DUSP18: variants seen among roughly 807,000 people sequenced by gnomAD.
DUSP18 encodes dual specificity phosphatase 18, also known as dual specificity protein phosphatase 18.
Under a neutral mutation model 6.3 loss-of-function variants are expected in DUSP18, and 4 were observed. The ratio of observed to expected loss-of-function variants is 0.63; its 90% confidence interval spans 0.31 to 1.45. DUSP18 has a LOEUF of 1.45. Among genes scored for constraint, DUSP18 ranks in the 40% most tolerant of loss-of-function variants. DUSP18 has a pLI of 0.07. For synonymous variants in DUSP18, 96 were observed against 95.1 expected, an observed-to-expected ratio of 1.01 and a Z score of -0.05; for missense variants, 235 against 247.7, an observed-to-expected ratio of 0.95 and a Z score of 0.34.
chr22:30,666,441 T>TTCAA (rs1443763522), intron 1 of DUSP18, among the ~76,000 whole-genome samples: 33 of 151,744 alleles, frequency 2.2e-4, no homozygotes, highest in Non-Finnish European at 4.0e-4. Context: ...ACCAACATGG[T>TTCAA]GAAACCCCCG....
At chr22:30,664,163 T>G in intron 1 of DUSP18, 83 bp from the exon 2 acceptor site, 2 of 656,836 alleles carry the variant, frequency 3.0e-6, no homozygotes, top group Non-Finnish European at 5.3e-6. Context: ...ATGGATAGGC[T>G]TATAGCATTC....
chr22:30,663,999 G>A lies in DUSP18; in HGVS notation c.5C>T (p.Thr2Ile). The A allele has an allele frequency of 6.2e-7, 1 of 1,612,034 alleles. No individual in the cohort carries two copies. Among genetic ancestry groups the A allele is most frequent in the Non-Finnish European group, 8.5e-7 (1 of 1,178,338 alleles). Residue 2 changes from threonine (T) to isoleucine (I), a missense_variant, in exon 2 of 2, where the codon ACA becomes ATA. Coordinates refer to ENST00000334679, the MANE Select transcript of DUSP18 (RefSeq NM_152511.5). ...AACTGGGAAGGCACACGAGGGTGCTGTCATCAAGGCGGTGGGTCAGTGGTC... is the reference window on the plus strand; with the variant it reads ...AACTGGGAAGGCACACGAGGGTGCTATCATCAAGGCGGTGGGTCAGTGGTC... Reference protein sequence around the residue: MTAPSCAFPVQF... With the variant: MIAPSCAFPVQF...
chr22:30,652,547 T>C (rs2078973), intron 2 of DUSP18, among the ~76,000 whole-genome samples: 77,519 of 152,154 alleles, frequency 0.51, 20,189 homozygotes, highest in East Asian at 0.8. Flanking sequence ...CAGGAATGAA[T>C]AAAGACAACT....
At chr22:30,660,280 A>G (rs926975978), downstream of DUSP18, among the ~76,000 whole-genome samples, 127 of 151,234 alleles carry the variant, frequency 8.4e-4, 1 homozygote, top group African/African-American at 3.0e-3. Flanking sequence ...AAACTAATAC[A>G]TTATCCAAAA....
downstream of DUSP18, among the ~76,000 whole-genome samples, chr22:30,657,296 C>T (rs902619009): frequency 1.9e-5 from 1 of 53,956 alleles, no homozygotes; most frequent in Non-Finnish European, 8.0e-5. Flanking sequence ...CACACACACA[C>T]ACACACACAC....
chr22:30,655,867 C>A (rs2088329467), intron 2 of DUSP18, among the ~76,000 whole-genome samples: 1 of 152,116 alleles, frequency 6.6e-6, no homozygotes, highest in Admixed American at 6.5e-5. Flanking sequence ...TCTTAACATT[C>A]CTCCCAAGCT....
intron 2 of DUSP18, among the ~76,000 whole-genome samples, chr22:30,653,542 T>C (rs1219873395): frequency 6.6e-6 from 1 of 151,992 alleles, no homozygotes; most frequent in Non-Finnish European, 1.5e-5. Flanking sequence ...CGGCTAATTT[T>C]TTTGTATTTT....
downstream of DUSP18, among the ~76,000 whole-genome samples, chr22:30,660,310 A>AT (rs1369876651): frequency 1.5e-3 from 135 of 92,978 alleles, no homozygotes; most frequent in Middle Eastern, 6.3e-3. Context: ...GAGAGAAAAA[A>AT]ATTTTTTTTT....
rs773998729 is a variant in DUSP18 at position 30,663,583 on chromosome 22, T to C, written c.421A>G (p.Ile141Val). 41 of 1,614,048 alleles carry C rather than the reference T, an allele frequency of 2.5e-5. No homozygotes were observed. Among genetic ancestry groups the C allele is most frequent in the Non-Finnish European group, 1.8e-5 (21 of 1,180,028 alleles). Residue 141 changes from isoleucine (I) to valine (V), a missense_variant, in exon 2 of 2, where the codon ATC becomes GTC. Coordinates refer to ENST00000334679, the MANE Select transcript of DUSP18 (RefSeq NM_152511.5). ...TCCCAAAAGCCGCTGTTGGGTCGGA[T>C]GATGGGCCGGCATGACTTGGTCCAC... ...HTWTKSCRPI[I>V]RPNSGFWEQL...
intron 2 of DUSP18, among the ~76,000 whole-genome samples, chr22:30,655,158 GC>G (rs1405554026): frequency 6.6e-6 from 1 of 151,948 alleles, no homozygotes; most frequent in African/African-American, 2.4e-5. Context: ...GGGACAGTTT[GC>G]CACAAGAAGC....
At chr22:30,657,272 TAA>T (rs758981579), downstream of DUSP18, among the ~76,000 whole-genome samples, 930 of 63,374 alleles carry the variant, frequency 0.015, 9 homozygotes, top group Middle Eastern at 0.042. Context: ...CTGTCTCTAC[TAA>T]AAACACACAC....
chr22:30,665,663 T>C, intron 1 of DUSP18: 2 of 391,542 alleles, frequency 5.1e-6, no homozygotes, highest in Non-Finnish European at 1.1e-5. Flanking sequence ...TCCTAACACT[T>C]ACTGAAGACG....
downstream of DUSP18, among the ~76,000 whole-genome samples, chr22:30,659,330 C>A (rs549599221): frequency 5.9e-5 from 9 of 152,068 alleles, no homozygotes; most frequent in South Asian, 8.3e-4. Context: ...AAGTCTGGAC[C>A]CTGAGATGAC....
chr22:30,653,511 A>G (rs1345977320), intron 2 of DUSP18, among the ~76,000 whole-genome samples: 1 of 151,884 alleles, frequency 6.6e-6, no homozygotes, highest in African/African-American at 2.4e-5. Context: ...AGGTGGAACT[A>G]CAGGTGCACA....
intron 2 of DUSP18, among the ~76,000 whole-genome samples, chr22:30,655,015 G>C (rs918232838): frequency 9.9e-5 from 15 of 152,196 alleles, no homozygotes; most frequent in Non-Finnish European, 1.8e-4. Flanking sequence ...CTTGTGCAGA[G>C]GGAGCAGTAG....
At chr22:30,655,143 T>C (rs2088309236) in intron 2 of DUSP18, among the ~76,000 whole-genome samples, 1 of 151,850 alleles carries the variant, frequency 6.6e-6, no homozygotes, top group South Asian at 2.1e-4. Context: ...TGGCCCAGGG[T>C]TGTAGGGACA....
In DUSP18 at chr22:30,663,204, G is replaced by A; in HGVS notation, c.*233C>T. On this transcript the variant is annotated 3_prime_UTR_variant, in exon 2 of 2. Transcript: ENST00000334679. ...ACCATCTGCCTCAACCTATCCCCTG[G>A]CCAGTGTCACTCACAGGGCAGAAAA... 1.9e-6 allele frequency: 1 copy of A among 518,796 alleles called. No homozygotes were observed. The highest frequency in any genetic ancestry group is 3.4e-6 in the Non-Finnish European group (1 of 291,538). 32.1% of individuals were successfully genotyped at this position (518,796 alleles called of 1,614,324 possible). A position where few individuals can be genotyped will look rare whatever the true frequency, so the allele number is the denominator to read the frequency against.
In DUSP18 at chr22:30,662,102, G is replaced by C. The variant is rs1402141511; in HGVS notation, c.*1335C>G. On this transcript the variant is annotated 3_prime_UTR_variant, in exon 2 of 2. Coordinates refer to ENST00000334679, the MANE Select transcript of DUSP18 (RefSeq NM_152511.5). ...GTACTTTGTAACAATAAAGTGCTGT[G>C]CACAGAAAGGAGAAATGCCATTATG... 6.7e-6 allele frequency: 1 copy of C among 149,194 alleles called. No homozygotes were observed. The highest frequency in any genetic ancestry group is 1.5e-5 in the Non-Finnish European group (1 of 67,786). The allele number at this position is 149,194 out of a possible 1,614,324, so 9.2% of individuals were successfully genotyped here. A position where few individuals can be genotyped will look rare whatever the true frequency, so the allele number is the denominator to read the frequency against.
downstream of DUSP18, among the ~76,000 whole-genome samples, chr22:30,659,504 G>A (rs539461200): frequency 7.2e-5 from 11 of 152,130 alleles, no homozygotes; most frequent in Admixed American, 5.9e-4. Context: ...CTCCCGGGTA[G>A]CTGTGATTAC....
Sources: gnomAD v4.1 joint callset for allele counts (sites outside exome capture counted in the v4.1 genomes callset) on GRCh38, gnomAD v4.1.1 for gene constraint, MANE v1.5 for transcripts, NCBI Gene and HGNC (gene_info 2026-07-23, HGNC 2026-07-21) for gene names.